EPRS1: variants seen among roughly 807,000 people sequenced by gnomAD.
The protein encoded by EPRS1 is glutamyl-prolyl-tRNA synthetase 1.
A neutral mutation model predicts 188.3 loss-of-function variants in EPRS1; 107 were observed. That is an observed-to-expected ratio of 0.57 (90% CI 0.49 to 0.67). EPRS1 has a LOEUF of 0.67. Among genes scored for constraint, EPRS1 ranks in the 30% least tolerant of loss-of-function variants. EPRS1 has a pLI of 0.00. For missense variants in EPRS1, 1,577 were observed against 1,802.2 expected, an observed-to-expected ratio of 0.88 and a Z score of 2.26; for synonymous variants, 596 against 593.1, an observed-to-expected ratio of 1.00 and a Z score of -0.07.
Position 220,025,241 on chromosome 1 carries a change from T to C in EPRS1, c.641A>G (p.His214Arg). The C allele has an allele frequency of 6.2e-7, 1 of 1,604,834 alleles. No individual in the cohort carries two copies. The highest frequency in any genetic ancestry group is 8.5e-7 in the Non-Finnish European group (1 of 1,177,030). ...CTGGTTCAGAAGAGCAGCTTTTGCA[T>C]GCCCAATGTGTAAGTAACTAAAACA... ...PEASGYLHIG[H>R]AKAALLNQHY... Residue 214 changes from histidine to arginine, a missense_variant, in exon 7 of 32, where the codon CAT becomes CGT. Transcript: ENST00000366923.
In EPRS1 at chr1:219,973,181, A is replaced by T. The variant is rs1053714439; in HGVS notation, c.4244+57T>A. The T allele has an allele frequency of 1.8e-5, 26 of 1,474,198 alleles. No individual in the cohort carries two copies. In the Admixed American group the frequency reaches 4.0e-4, roughly 23 times the overall value. 91.3% of individuals were successfully genotyped at this position (1,474,198 alleles called of 1,614,324 possible). On this transcript the variant is annotated intron_variant, in intron 29 of 31. Coordinates refer to ENST00000366923, the MANE Select transcript of EPRS1 (RefSeq NM_004446.3). ...CAACCCCAAAAATTCCTTGGTAAAG[A>T]TCTCAAAGGTGGTGGAAGATCTGGA...
chr1:220,043,372 A>G (rs972278430), intron 1 of EPRS1, among the ~76,000 whole-genome samples: 1 of 152,230 alleles, frequency 6.6e-6, no homozygotes, highest in South Asian at 2.1e-4. Context: ...TATTTTTGCT[A>G]TGATTTTTTT....
At position 220,001,241 on chromosome 1, in the gene EPRS1, T is replaced by C; in HGVS notation, c.2078A>G (p.Lys693Arg). Reference sequence around the variant, plus strand: ...GTATATCAAAACACACGGGGCTTCCTTGCAACTATATGGGCTAAAAAGAAA... The same window carrying C: ...GTATATCAAAACACACGGGGCTTCCCTGCAACTATATGGGCTAAAAAGAAA... ...PYEPVSPYSC[K>R]EAPCVLIYIP... Residue 693 changes from lysine to arginine, a missense_variant, in exon 17 of 32, where the codon AAG becomes AGG. Physicochemically the swap from Lys to Arg is conservative, Grantham distance 26. Transcript: ENST00000366923. 1.9e-6 allele frequency: 3 copies of C among 1,608,654 alleles called. No individual in the cohort carries two copies. Among genetic ancestry groups the C allele is most frequent in the Non-Finnish European group, 2.6e-6 (3 of 1,175,002 alleles).
chr1:220,013,511 C>A (rs756958126), intron 12 of EPRS1, among the ~76,000 whole-genome samples: 49 of 151,612 alleles, frequency 3.2e-4, no homozygotes, highest in Non-Finnish European at 6.6e-4. Context: ...AAAACAGAAC[C>A]TGCTTTGAAA....
At chr1:220,020,505 T>G (rs1275329381) in intron 9 of EPRS1, among the ~76,000 whole-genome samples, 2 of 152,088 alleles carry the variant, frequency 1.3e-5, no homozygotes, top group African/African-American at 4.8e-5. Flanking sequence ...AATATTTCTG[T>G]AATGGCCAAT....
intron 20 of EPRS1, 101 bp downstream of exon 20, chr1:219,987,041 C>T (rs1241837470): frequency 7.9e-7 from 1 of 1,266,418 alleles, no homozygotes; most frequent in African/African-American, 1.5e-5. Context: ...CGTTCTCTAA[C>T]TTAATGTGAT....
intron 28 of EPRS1, among the ~76,000 whole-genome samples, chr1:219,975,466 C>T (rs1021989144): frequency 1.3e-5 from 2 of 152,084 alleles, no homozygotes; most frequent in African/African-American, 4.8e-5. Flanking sequence ...GATGGAGTTT[C>T]GCTCTTGTCA....
Position 219,974,720 on chromosome 1 carries a change from A to G in EPRS1, c.4084-1322T>C, listed in dbSNP as rs1660743049. 2.0e-5 allele frequency among the ~76,000 whole-genome samples: 3 copies of G among 152,178 alleles called. No homozygotes were observed. In the South Asian group the frequency reaches 6.2e-4, roughly 32 times the overall value. On this transcript the variant is annotated intron_variant, in intron 28 of 31. Transcript: ENST00000366923. ...AACCAACTGTTGTATGCTAAATATT[A>G]CATTATTTTATTGCTTTAGTTATTT...
intron 18 of EPRS1, among the ~76,000 whole-genome samples, chr1:219,993,631 C>T (rs1661165998): frequency 6.6e-6 from 1 of 152,168 alleles, no homozygotes; most frequent in African/African-American, 2.4e-5. Flanking sequence ...AAAATAACCA[C>T]CTTTGTAGAA....
intron 1 of EPRS1, 44 bp downstream of exon 1, chr1:220,046,299 C>T: frequency 6.2e-7 from 1 of 1,613,240 alleles, no homozygotes; most frequent in Non-Finnish European, 8.5e-7. Flanking sequence ...TGCACCCTCC[C>T]TGGCTGATGC....
At chr1:220,021,051 T>G (rs1668518143) in intron 9 of EPRS1, among the ~76,000 whole-genome samples, 1 of 151,710 alleles carries the variant, frequency 6.6e-6, no homozygotes, top group African/African-American at 2.4e-5. Flanking sequence ...CTAATTTTTG[T>G]ATTTGTTTTA....
chr1:220,012,610 A>G (rs531264038), intron 12 of EPRS1, among the ~76,000 whole-genome samples: 4 of 152,250 alleles, frequency 2.6e-5, no homozygotes, highest in Non-Finnish European at 5.9e-5. Context: ...CTTAAAAGGT[A>G]TTTTTAGCTC....
rs2230301 is a variant in EPRS1 at position 220,024,283 on chromosome 1, G to T, written c.924C>A (p.Asp308Glu). The change falls in exon 8 of 32, where the codon GAC becomes GAA. Residue 308 changes from aspartate to glutamate, a missense_variant. Physicochemically the swap from Asp to Glu is conservative, Grantham distance 45. This residue lies in a region of EPRS1 where 1,278 missense variants were observed against 1,457.4 expected (regional missense o/e 0.88). Coordinates refer to ENST00000366923, the MANE Select transcript of EPRS1 (RefSeq NM_004446.3). ...QMKAEREQRI[D>E]SKHRKNPIEK... The stretch of plus-strand genomic sequence containing the variant: ...GCTTACGGTTTTTTCTATGTTTAGA[G>T]TCTATCCTCTGCTCACGTTCTGCTT... 1,315,464 of 1,594,018 alleles carry T rather than the reference G, an allele frequency of 0.83. 544,784 individuals are homozygous for T. Among genetic ancestry groups the T allele is most frequent in the African/African-American group, 0.97 (71,619 of 73,836 alleles).
chr1:220,044,617 T>G (rs1022758404), intron 1 of EPRS1, among the ~76,000 whole-genome samples: 5 of 142,590 alleles, frequency 3.5e-5, no homozygotes, highest in African/African-American at 1.3e-4. Flanking sequence ...GCGCAACTAC[T>G]CGTGTGGCTG....
rs755360790 is a variant in EPRS1 at position 219,978,609 on chromosome 1, G to A, written c.4020C>T (p.Arg1340=). ...AATTATCTCGTAAATCAGCTCTAAC[G>A]CGGATGTTAACACTGAGTAATCGCC... is the stretch of plus-strand genomic sequence containing the variant. The part of the protein sequence containing the change: ...YRRRLLSVNI[R]VRADLRDNYS... Residue 1340 remains arginine, a synonymous_variant, in exon 28 of 32, where the codon CGC becomes CGT. Transcript: ENST00000366923. 13 of 1,608,540 alleles carry A rather than the reference G, an allele frequency of 8.1e-6. No individual in the cohort carries two copies. The highest frequency in any genetic ancestry group is 4.4e-5 in the South Asian group (4 of 90,328).
At chr1:220,034,451 C>T (rs1271545244) in intron 3 of EPRS1, among the ~76,000 whole-genome samples, 1 of 151,286 alleles carries the variant, frequency 6.6e-6, no homozygotes, top group Admixed American at 6.6e-5. Flanking sequence ...TTAAGAGGCA[C>T]ATGATTGTAT....
intron 19 of EPRS1, 136 bp from the exon 20 acceptor site, chr1:219,987,540 A>G (rs1035759734): frequency 1.4e-6 from 1 of 718,902 alleles, no homozygotes; most frequent in Non-Finnish European, 2.2e-6. Flanking sequence ...CCAGGTGGTG[A>G]TAAGGTTTGA....
At chr1:220,039,131 G>A (rs1363158090) in intron 2 of EPRS1, among the ~76,000 whole-genome samples, 1 of 152,186 alleles carries the variant, frequency 6.6e-6, no homozygotes, top group African/African-American at 2.4e-5. Flanking sequence ...CTCTCAGCAT[G>A]TCAAAGCGCC....
rs1480155085 is a variant in EPRS1, at chr1:219,997,173, A to T, written c.2351T>A (p.Leu784His). 1.2e-6 allele frequency: 2 copies of T among 1,613,950 alleles called. No individual in the cohort carries two copies. The highest frequency in any genetic ancestry group is 1.7e-6 in the Non-Finnish European group (2 of 1,179,976). Residue 784 changes from leucine (L) to histidine (H), a missense_variant, in exon 18 of 32, where the codon CTT (leucine) becomes CAT (histidine). Coordinates refer to ENST00000366923, the MANE Select transcript of EPRS1 (RefSeq NM_004446.3). ...KEDVDAAVKQ[L>H]LSLKAEYKEK... is the part of the protein sequence containing the mutation. ...CTTATATTCAGCTTTCAAAGACAAA[A>T]GCTGTTTTACAGCTGCATCTACATC...
Sources: gnomAD v4.1 joint callset for allele counts (sites outside exome capture counted in the v4.1 genomes callset) on GRCh38, gnomAD v4.1.1 for gene constraint, gnomAD v4.1.1 regional missense constraint, MANE v1.5 for transcripts, NCBI Gene and HGNC (gene_info 2026-07-23, HGNC 2026-07-21) for gene names.